Variants in NBAS observed in about 807,000 individuals in gnomAD.
NBAS encodes the protein NAG/BC035112 fusion.
In NBAS, 219 loss-of-function variants were observed where a neutral mutation model predicts 302.5. The ratio of observed to expected loss-of-function variants is 0.72; its 90% CI spans 0.65 to 0.81. NBAS has a LOEUF of 0.81. NBAS is among the 30% of genes least tolerant of loss of function. The pLI, the probability that NBAS is intolerant of heterozygous loss-of-function variation, is 0.00. For synonymous variants in NBAS, 1,118 were observed against 1,021.6 expected (o/e 1.09, Z -1.80); for missense variants, 2,932 against 2,841.6 (o/e 1.03, Z -0.72).
chr2:15,059,061 C>T, the NBAS span, among the ~76,000 whole-genome samples: 1 of 152,168 alleles, frequency 6.6e-6, no homozygotes, highest in African/African-American at 2.4e-5. Context: ...CTGTTCAGCC[C>T]CTGTTTTGGG....
At chr2:15,294,611 G>T (rs775704743) in intron 40 of NBAS, among the ~76,000 whole-genome samples, 1 of 152,146 alleles carries the variant, frequency 6.6e-6, no homozygotes, top group Non-Finnish European at 1.5e-5. Flanking sequence ...CTGCTCATGG[G>T]CCAGCTGGCC....
the NBAS span, among the ~76,000 whole-genome samples, chr2:15,150,939 G>A: frequency 6.6e-6 from 1 of 152,096 alleles, no homozygotes; most frequent in Non-Finnish European, 1.5e-5. Flanking sequence ...AAAACCTATA[G>A]TGAGGAACTT....
chr2:15,016,598 T>C, the NBAS span, among the ~76,000 whole-genome samples: 1 of 146,108 alleles, frequency 6.8e-6, no homozygotes, highest in African/African-American at 2.5e-5. Flanking sequence ...CCAATGACAT[T>C]AGTCACAAAA....
the NBAS span, among the ~76,000 whole-genome samples, chr2:14,894,496 T>C: frequency 1.3e-5 from 2 of 152,188 alleles, no homozygotes; most frequent in African/African-American, 4.8e-5. Context: ...ATGATAGCCA[T>C]GCAAATGAAA....
At chr2:15,186,641 A>G in intron 50 of NBAS, 101 bp downstream of exon 50, 1 of 1,545,970 alleles carries the variant, frequency 6.5e-7, no homozygotes, top group Non-Finnish European at 8.9e-7. Flanking sequence ...TAATTACTTA[A>G]GCTAAATGTT....
downstream of NBAS, chr2:15,166,764 G>A (rs2125093301): frequency 2.9e-6 from 1 of 350,308 alleles, no homozygotes; most frequent in Non-Finnish European, 5.1e-6. Context: ...AACTACAGTT[G>A]TGGACACATT....
intron 35 of NBAS, among the ~76,000 whole-genome samples, chr2:15,349,201 G>A (rs1673235922): frequency 6.6e-6 from 1 of 152,176 alleles, no homozygotes; most frequent in African/African-American, 2.4e-5. Context: ...ACAAGTTGTG[G>A]AGGGATCAGA....
chr2:15,448,081 G>A (rs1192510959), intron 21 of NBAS, among the ~76,000 whole-genome samples: 2 of 152,116 alleles, frequency 1.3e-5, no homozygotes, highest in Admixed American at 1.3e-4. Flanking sequence ...GCCTCCCAAA[G>A]GCCACACCAT....
At chr2:14,931,548 G>A in the NBAS span, among the ~76,000 whole-genome samples, 1 of 152,198 alleles carries the variant, frequency 6.6e-6, no homozygotes, top group Non-Finnish European at 1.5e-5. Context: ...AGATAGTTCA[G>A]AAGTCACAAT....
the NBAS span, among the ~76,000 whole-genome samples, chr2:15,038,618 C>A: frequency 6.6e-6 from 1 of 152,170 alleles, no homozygotes; most frequent in Admixed American, 6.5e-5. Flanking sequence ...CAACCTCTGA[C>A]CTTACACTTC....
In NBAS at chr2:15,179,000, C is replaced by A. The variant is rs145098234; in HGVS notation, c.6828G>T (p.Thr2276=). ...HLHEMALEQI[T]AVTTVNDSNC... ...CAACTGGGCATACCGTAGTGACTGCCGTGATTTGCTCCAGTGCCATCTCGT... is the reference window on the plus strand; with the variant it reads ...CAACTGGGCATACCGTAGTGACTGCAGTGATTTGCTCCAGTGCCATCTCGT... Residue 2276 remains threonine, a synonymous_variant, in exon 51 of 52, where the codon ACG becomes ACT. Transcript: ENST00000281513. 2 of 1,613,748 alleles carry A rather than the reference C, an allele frequency of 1.2e-6. No individual in the cohort carries two copies. Among genetic ancestry groups the A allele is most frequent in the South Asian group, 1.1e-5 (1 of 91,040 alleles).
chr2:14,909,435 G>A, the NBAS span, among the ~76,000 whole-genome samples: 1 of 138,202 alleles, frequency 7.2e-6, no homozygotes, highest in Non-Finnish European at 1.5e-5. Context: ...TCACTTTCAT[G>A]TCTGTCAACC....
At chr2:15,009,220 C>G in the NBAS span, among the ~76,000 whole-genome samples, 2 of 152,114 alleles carry the variant, frequency 1.3e-5, no homozygotes, top group Admixed American at 6.5e-5. Flanking sequence ...TCTCTCTTAA[C>G]CAGTCTCCAG....
the NBAS span, among the ~76,000 whole-genome samples, chr2:14,785,198 A>G: frequency 6.6e-6 from 1 of 152,176 alleles, no homozygotes; most frequent in African/African-American, 2.4e-5. Flanking sequence ...GAAGGTGCTT[A>G]TCAGCTTAAG....
chr2:15,073,197 G>C, the NBAS span, among the ~76,000 whole-genome samples: 1 of 152,160 alleles, frequency 6.6e-6, no homozygotes, highest in African/African-American at 2.4e-5. Context: ...AGTAAAATAA[G>C]GATGGGCGTG....
the NBAS span, among the ~76,000 whole-genome samples, chr2:14,978,749 C>T: frequency 1.3e-5 from 2 of 152,150 alleles, no homozygotes; most frequent in East Asian, 3.8e-4. Context: ...AACTTCCTCC[C>T]ATTCACACCT....
the NBAS span, among the ~76,000 whole-genome samples, chr2:15,075,179 A>G: frequency 6.6e-6 from 1 of 152,244 alleles, no homozygotes; most frequent in African/African-American, 2.4e-5. Context: ...GTAAGTGATG[A>G]GATGAACAGT....
At chr2:15,488,803 T>C in intron 12 of NBAS, 91 bp downstream of exon 12, 2 of 1,489,302 alleles carry the variant, frequency 1.3e-6, no homozygotes. Flanking sequence ...AATAAACAGC[T>C]GTGTACTATA....
chr2:14,957,989 C>T, the NBAS span, among the ~76,000 whole-genome samples: 1 of 152,152 alleles, frequency 6.6e-6, no homozygotes, highest in Non-Finnish European at 1.5e-5. Context: ...TCGAGATAAG[C>T]CTCTGAACCC....
Sources: allele counts gnomAD v4.1 joint callset (sites outside exome capture counted in the v4.1 genomes callset), GRCh38; gene constraint gnomAD v4.1.1; transcripts MANE v1.5; gene names NCBI Gene and HGNC (gene_info 2026-07-23, HGNC 2026-07-21).